Variants in PHF20 observed in about 807,000 individuals in gnomAD.
The protein encoded by PHF20 is PHD finger protein 20.
Under a neutral mutation model 113.5 loss-of-function variants are expected in PHF20, and 23 were observed. The ratio of observed to expected loss-of-function variants is 0.20; its 90% confidence interval spans 0.15 to 0.29. The LOEUF is 0.29. Ranked by LOEUF, PHF20 falls within the 10% of genes least tolerant of loss-of-function variation. PHF20 has a pLI of 1.00. For missense variants in PHF20, 943 were observed against 1,219.6 expected (o/e 0.77, Z 3.38); for synonymous variants, 434 against 457.3 (o/e 0.95, Z 0.65).
intron 1 of PHF20, among the ~76,000 whole-genome samples, chr20:35,781,644 C>G (rs1276116938): frequency 6.6e-6 from 1 of 152,138 alleles, no homozygotes. Flanking sequence ...CTCCGTAACT[C>G]CTCAAAATTG....
At chr20:35,876,347 G>T (rs2054520980) in intron 9 of PHF20, among the ~76,000 whole-genome samples, 1 of 152,128 alleles carries the variant, frequency 6.6e-6, no homozygotes, top group Non-Finnish European at 1.5e-5. Context: ...GAGGTGGGCA[G>T]ATCACTTGAG....
At chr20:35,775,038 ATATAG>A (rs2041143456) in intron 1 of PHF20, 1 of 152,218 alleles carries the variant, frequency 6.6e-6, no homozygotes, top group African/African-American at 2.4e-5. Context: ...ACCTAATAAA[ATATAG>A]TATACTGAAA....
intron 15 of PHF20, 41 bp from the exon 16 acceptor site, chr20:35,938,656 C>T (rs769584614): frequency 1.3e-6 from 2 of 1,544,116 alleles, no homozygotes; most frequent in South Asian, 2.5e-5. Flanking sequence ...GCAATGGTGC[C>T]AGTTACTCCA....
intron 2 of PHF20, among the ~76,000 whole-genome samples, chr20:35,802,767 G>A (rs752434883): frequency 2.0e-4 from 30 of 150,734 alleles, no homozygotes; most frequent in Non-Finnish European, 3.7e-4. Flanking sequence ...GCGAAACCCC[G>A]TCTCTACTAA....
At chr20:35,808,893 C>T (rs1360332314) in intron 2 of PHF20, among the ~76,000 whole-genome samples, 1 of 151,010 alleles carries the variant, frequency 6.6e-6, no homozygotes, top group Non-Finnish European at 1.5e-5. Flanking sequence ...TTTTCTTAAC[C>T]GTGTCTTTAT....
intron 9 of PHF20, among the ~76,000 whole-genome samples, chr20:35,882,388 G>T (rs1284327365): frequency 6.6e-6 from 1 of 152,160 alleles, no homozygotes; most frequent in Non-Finnish European, 1.5e-5. Context: ...GATCCATTGG[G>T]AACATATCAG....
In PHF20 at chr20:35,863,189, G is replaced by C. The variant is rs755997270; in HGVS notation, c.597G>C (p.Lys199Asn). ...KRPKQPDKEG[K>N]LICSEKGKVS... ...CCAAGCAGCCTGATAAAGAAGGAAA[G>C]TTAATCTGTTCTGAAAAGGGGAAAG... Residue 199 changes from lysine (K) to asparagine (N), a missense_variant, in exon 6 of 18, where the codon AAG becomes AAC. Physicochemically the swap from Lys to Asn is moderately conservative, Grantham distance 94. Coordinates refer to ENST00000374012, the MANE Select transcript of PHF20 (RefSeq NM_016436.5). The C allele has an allele frequency of 2.5e-6, 4 of 1,613,632 alleles. No individual in the cohort carries two copies. Among genetic ancestry groups the C allele is most frequent in the Non-Finnish European group, 3.4e-6 (4 of 1,179,916 alleles).
At chr20:35,920,354 G>A (rs1222231612) in intron 13 of PHF20, among the ~76,000 whole-genome samples, 4 of 152,178 alleles carry the variant, frequency 2.6e-5, no homozygotes, top group East Asian at 3.9e-4. Flanking sequence ...TACCACAGTC[G>A]TGCTCTTTTT....
intron 2 of PHF20, among the ~76,000 whole-genome samples, chr20:35,834,492 C>A (rs760040038): frequency 2.0e-5 from 3 of 152,018 alleles, no homozygotes; most frequent in African/African-American, 7.2e-5. Context: ...CGTGGGTGAT[C>A]CGCCCGCCTC....
chr20:35,870,554 A>T (rs559244159), intron 7 of PHF20, among the ~76,000 whole-genome samples: 2 of 152,164 alleles, frequency 1.3e-5, no homozygotes, highest in African/African-American at 4.8e-5. Context: ...AGTTGGCTCA[A>T]ATGTTTAAAT....
intron 1 of PHF20, among the ~76,000 whole-genome samples, chr20:35,788,995 A>G (rs2041482462): frequency 6.6e-6 from 1 of 152,188 alleles, no homozygotes; most frequent in South Asian, 2.1e-4. Flanking sequence ...AGGCAGTTTC[A>G]GCATAGAGTG....
intron 9 of PHF20, among the ~76,000 whole-genome samples, chr20:35,876,829 G>A (rs981967005): frequency 4.6e-5 from 7 of 151,972 alleles, no homozygotes; most frequent in African/African-American, 9.7e-5. Flanking sequence ...AAATTTGGCC[G>A]GGCGCAGTGT....
At chr20:35,928,300 A>C (rs1298028344) in intron 14 of PHF20, among the ~76,000 whole-genome samples, 1 of 151,968 alleles carries the variant, frequency 6.6e-6, no homozygotes, top group Non-Finnish European at 1.5e-5. Context: ...TTAGCTGGGC[A>C]TGGTGACAGG....
rs1345984327 is a variant in PHF20 at position 35,948,752 on chromosome 20, T to C, written c.*1125T>C. 2.6e-5 allele frequency: 4 copies of C among 152,690 alleles called. No homozygotes were observed. The highest frequency in any genetic ancestry group is 4.4e-5 in the Non-Finnish European group (3 of 68,050). The allele number at this position is 152,690 out of a possible 1,614,324, so 9.5% of individuals were successfully genotyped here. On this transcript the variant is annotated 3_prime_UTR_variant, in exon 18 of 18. Coordinates refer to ENST00000374012, the MANE Select transcript of PHF20 (RefSeq NM_016436.5). ...GTTACGGTTCCACATGTAATTGCTA[T>C]ATTTTGTTTTGTTTTTCCTTACTAG...
intron 7 of PHF20, among the ~76,000 whole-genome samples, chr20:35,870,593 G>T (rs1209003415): frequency 7.2e-6 from 1 of 139,266 alleles, no homozygotes; most frequent in Non-Finnish European, 1.6e-5. Context: ...TATCCTGTTG[G>T]CTCCAAAAAG....
chr20:35,811,559 C>T lies in PHF20; in HGVS notation c.83+9954C>T, dbSNP rs143075804. Among the ~76,000 whole-genome samples, 154 of 151,708 alleles carry T rather than the reference C, an allele frequency of 1.0e-3. 1 individual carries two copies. In the East Asian group the frequency reaches 0.021, roughly 21 times the overall value. ...CCTGGTACAAGCGATTCTTCTGTCT[C>T]AGTCTCCCAAGCAGCTCGGATTACA... On this transcript the variant is annotated intron_variant, in intron 2 of 17. Transcript: ENST00000374012.
chr20:35,904,302 T>G (rs944811360), intron 10 of PHF20, among the ~76,000 whole-genome samples: 4 of 138,484 alleles, frequency 2.9e-5, no homozygotes, highest in South Asian at 5.1e-4. Context: ...TTTTTTTTTT[T>G]GAGACAGAAT....
chr20:35,850,902 A>T, intron 4 of PHF20: 1 of 731,236 alleles, frequency 1.4e-6, no homozygotes, highest in Non-Finnish European at 2.3e-6. Context: ...TTTGTTTTTG[A>T]CCAAGGGAAA....
chr20:35,787,158 A>ATTATTTATTTAT (rs58760101), intron 1 of PHF20, among the ~76,000 whole-genome samples: 2 of 143,932 alleles, frequency 1.4e-5, no homozygotes, highest in African/African-American at 5.2e-5. Flanking sequence ...TGCCTGGCTA[A>ATTATTTATTTAT]TTATTTATTT....
Sources: gnomAD v4.1 joint callset for allele counts (sites outside exome capture counted in the v4.1 genomes callset) on GRCh38, gnomAD v4.1.1 for gene constraint, MANE v1.5 for transcripts, NCBI Gene and HGNC (gene_info 2026-07-23, HGNC 2026-07-21) for gene names.